Variants in ETNK2 observed in about 807,000 individuals in gnomAD.
ETNK2 encodes the protein ethanolamine kinase-like protein.
Under a neutral mutation model 46.2 loss-of-function variants are expected in ETNK2, and 33 were observed. The ratio of observed to expected loss-of-function variants is 0.71; its 90% confidence interval spans 0.54 to 0.96. The LOEUF (loss-of-function observed/expected upper bound fraction) is 0.96. ETNK2 is among the 40% of genes least tolerant of loss of function. The pLI, the probability that ETNK2 is intolerant of heterozygous loss-of-function variation, is 0.00. For missense variants in ETNK2, 445 were observed against 509.7 expected (o/e 0.87, Z 1.22); for synonymous variants, 194 against 209.0 (o/e 0.93, Z 0.62).
chr1:204,139,927 C>A, intron 5 of ETNK2, 108 bp downstream of exon 5: 1 of 859,420 alleles, frequency 1.2e-6, no homozygotes, highest in Non-Finnish European at 2.0e-6. Flanking sequence ...AATATGGTAC[C>A]TATTACCGTA....
chr1:204,143,481 G>C (rs11240683), intron 3 of ETNK2, among the ~76,000 whole-genome samples: 2 of 151,230 alleles, frequency 1.3e-5, no homozygotes, highest in Non-Finnish European at 2.9e-5. Context: ...TTGAAACATC[G>C]CCAGCTTTGC....
chr1:204,140,260 C>G (rs1375705865), intron 4 of ETNK2, 142 bp from the exon 5 acceptor site: 2 of 643,828 alleles, frequency 3.1e-6, no homozygotes, highest in African/African-American at 3.6e-5. Context: ...ATCACTGCAG[C>G]AGTCTTCCAA....
chr1:204,148,592 AC>A (rs1657883482), intron 2 of ETNK2, among the ~76,000 whole-genome samples: 1 of 151,700 alleles, frequency 6.6e-6, no homozygotes, highest in Middle Eastern at 3.2e-3. Flanking sequence ...ACACACACAC[AC>A]ACACACACAC....
At chr1:204,150,065 G>T in intron 1 of ETNK2, 103 bp from the exon 2 acceptor site, 2 of 1,317,286 alleles carry the variant, frequency 1.5e-6, no homozygotes, top group Non-Finnish European at 1.0e-6. Context: ...TCATTTGAAT[G>T]CCGAGCACAA....
Position 204,151,272 on chromosome 1 carries a change from G to A in ETNK2, c.258+323C>T, listed in dbSNP as rs3795577. On this transcript the variant is annotated intron_variant, in intron 1 of 7. Transcript: ENST00000367202. The surrounding 1 kb of genome is among the most constrained non-coding windows in gnomAD (Gnocchi z 8.0). ...TCAGGTTTCAGAGCTGGCTGGGTACGCGCTTCTGGTCAGCGAGGGGCACCA... is the reference window on the plus strand; with the variant it reads ...TCAGGTTTCAGAGCTGGCTGGGTACACGCTTCTGGTCAGCGAGGGGCACCA... The A allele has an allele frequency of 0.3, 142,950 of 472,268 alleles. 22,343 individuals are homozygous for A. Among genetic ancestry groups the A allele is most frequent in the African/African-American group, 0.41 (19,762 of 47,678 alleles). 29.3% of individuals were successfully genotyped at this position (472,268 alleles called of 1,614,324 possible). A position where few individuals can be genotyped will look rare whatever the true frequency, so the allele number is the denominator to read the frequency against.
In ETNK2 at chr1:204,151,971, T is replaced by C. The variant is rs550740913; in HGVS notation, c.-119A>G. 9.4e-7 allele frequency: 1 copy of C among 1,064,770 alleles called. No individual in the cohort carries two copies. Among genetic ancestry groups the C allele is most frequent in the East Asian group, 3.3e-5 (1 of 30,704 alleles). 66.0% of individuals were successfully genotyped at this position (1,064,770 alleles called of 1,614,324 possible). A position where few individuals can be genotyped will look rare whatever the true frequency, so the allele number is the denominator to read the frequency against. ...GGAAGTCCATGACTCAGGCGCGAGCTGCCCGCTTCGATCGCCGGCTCGCGG... is the reference window on the plus strand; with the variant it reads ...GGAAGTCCATGACTCAGGCGCGAGCCGCCCGCTTCGATCGCCGGCTCGCGG... On this transcript the variant is annotated 5_prime_UTR_variant, in exon 1 of 8. Coordinates refer to ENST00000367202, the MANE Select transcript of ETNK2 (RefSeq NM_018208.4). The surrounding 1 kb of genome is among the most constrained non-coding windows in gnomAD (Gnocchi z 8.0).
Position 204,140,063 on chromosome 1 carries a change from G to A in ETNK2, c.840C>T (p.Asp280=). 1 of 1,613,956 alleles carries A rather than the reference G, an allele frequency of 6.2e-7. No homozygotes were observed. The change falls in exon 5 of 8, where the codon GAC becomes GAT. Residue 280 remains aspartate, a synonymous_variant. Transcript: ENST00000367202. The part of the protein sequence containing the change: ...EYAGYNYQAF[D]IGNHFNEFAG... ...CAAACTCATTGAAATGGTTGCCAAT[G>A]TCAAAAGCTTGGTAGTTGTAGCCAG...
intron 7 of ETNK2, 85 bp downstream of exon 7, chr1:204,134,430 C>T: frequency 6.8e-7 from 1 of 1,471,056 alleles, no homozygotes; most frequent in Non-Finnish European, 9.2e-7. Context: ...TCTGGGCATT[C>T]TGCCTGGGCT....
In ETNK2 at chr1:204,149,859, A is replaced by G; in HGVS notation, c.362T>C (p.Leu121Pro). 6.3e-7 allele frequency: 1 copy of G among 1,599,184 alleles called. No homozygotes were observed. Among genetic ancestry groups the G allele is most frequent in the Non-Finnish European group, 8.5e-7 (1 of 1,173,068 alleles). The change falls in exon 2 of 8, where the codon CTG becomes CCG. Residue 121 changes from leucine to proline, a missense_variant. Transcript: ENST00000367202. ...TCTGACCTCATTCTCCCGGTCCACC[A>G]GCAGCTCCGTCCGCTCCCCATACAC... is the stretch of plus-strand genomic sequence containing the variant. ...VRVYGERTEL[L>P]VDRENEVRNF...
At chr1:204,143,677 T>C (rs1657654229) in intron 3 of ETNK2, among the ~76,000 whole-genome samples, 1 of 152,098 alleles carries the variant, frequency 6.6e-6, no homozygotes, top group Non-Finnish European at 1.5e-5. Flanking sequence ...TTCCTCCTGA[T>C]ATTGGGACTG....
intron 5 of ETNK2, among the ~76,000 whole-genome samples, chr1:204,139,833 A>G (rs11799485): frequency 0.22 from 34,164 of 152,162 alleles, 4,094 homozygotes; most frequent in East Asian, 0.4. Context: ...GCATGTTACT[A>G]TACTGAATAC....
chr1:204,137,248 G>A lies in ETNK2; in HGVS notation c.870C>T (p.Gly290=), dbSNP rs752325302. The stretch of plus-strand genomic sequence containing the variant: ...ACAGGCAGTAATCCACCTCATTCAC[G>A]CCTGAGGGGGAGGCAGGCCAGACAA... ...DIGNHFNEFA[G]VNEVDYCLYP... is the part of the protein sequence containing the mutation. Residue 290 remains glycine (G), a splice_region_variant and synonymous_variant, in exon 6 of 8, where the codon GGC becomes GGT. Transcript: ENST00000367202. 1.2e-5 allele frequency: 19 copies of A among 1,613,440 alleles called. No individual in the cohort carries two copies. Among genetic ancestry groups the A allele is most frequent in the African/African-American group, 6.7e-5 (5 of 75,046 alleles).
Position 204,137,204 on chromosome 1 carries a change from T to G in ETNK2, c.914A>C (p.Gln305Pro), listed in dbSNP as rs750856269. 6.2e-7 allele frequency: 1 copy of G among 1,613,970 alleles called. No homozygotes were observed. ...DYCLYPARETQLQWLHYYLQA... is the reference protein window; with the variant it reads ...DYCLYPARETPLQWLHYYLQA... ...CAGGTAGTAGTGCAGCCACTGCAGC[T>G]GGGTCTCCCGCGCCGGGTACAGGCA... Residue 305 changes from glutamine (Q) to proline (P), a missense_variant, in exon 6 of 8, where the codon CAG becomes CCG. By Grantham distance (76) the Gln-to-Pro change is moderately conservative. Coordinates refer to ENST00000367202, the MANE Select transcript of ETNK2 (RefSeq NM_018208.4).
Position 204,151,266 on chromosome 1 carries a change from G to T in ETNK2, c.258+329C>A. 1 of 465,312 alleles carries T rather than the reference G, an allele frequency of 2.1e-6. No homozygotes were observed. The highest frequency in any genetic ancestry group is 3.8e-6 in the Non-Finnish European group (1 of 262,542). 28.8% of individuals were successfully genotyped at this position (465,312 alleles called of 1,614,324 possible). On this transcript the variant is annotated intron_variant, in intron 1 of 7. Transcript: ENST00000367202. The surrounding 1 kb of genome is among the most constrained non-coding windows in gnomAD (Gnocchi z 8.0). Reference sequence around the variant, plus strand: ...GCCTCCTCAGGTTTCAGAGCTGGCTGGGTACGCGCTTCTGGTCAGCGAGGG... The same window carrying T: ...GCCTCCTCAGGTTTCAGAGCTGGCTTGGTACGCGCTTCTGGTCAGCGAGGG...
At chr1:204,148,477 A>G (rs1657877596) in intron 2 of ETNK2, among the ~76,000 whole-genome samples, 1 of 151,256 alleles carries the variant, frequency 6.6e-6, no homozygotes, top group Admixed American at 6.6e-5. Flanking sequence ...CCCTGCTCTG[A>G]CTTCACATCT....
At chr1:204,136,403 G>GTATATATATATATATATATATATA (rs35373627) in intron 6 of ETNK2, among the ~76,000 whole-genome samples, 71 of 139,782 alleles carry the variant, frequency 5.1e-4, no homozygotes, top group African/African-American at 1.7e-3. Flanking sequence ...CTCAAAAAAA[G>GTATATATATATATATATATATATA]TATATATATA....
chr1:204,150,336 G>T (rs938167485), intron 1 of ETNK2, among the ~76,000 whole-genome samples: 2 of 152,182 alleles, frequency 1.3e-5, no homozygotes, highest in African/African-American at 4.8e-5. Context: ...TGTGGCAGGG[G>T]AGGGCTGGGA....
Position 204,137,104 on chromosome 1 carries a change from C to T in ETNK2, c.1014G>A (p.Leu338=). The change falls in exon 6 of 8, where the codon CTG becomes CTA. Residue 338 remains leucine (L), a splice_region_variant and synonymous_variant. Coordinates refer to ENST00000367202, the MANE Select transcript of ETNK2 (RefSeq NM_018208.4). Reference sequence around the variant, plus strand: ...CCAGCCCTAGAAATAAGGCACTCACCAGGGCAAACTTGTTGACTTGCACGT... The same window carrying T: ...CCAGCCCTAGAAATAAGGCACTCACTAGGGCAAACTTGTTGACTTGCACGT... ...RLYVQVNKFA[L]ASHFFWALWA... 6.2e-7 allele frequency: 1 copy of T among 1,613,588 alleles called. No individual in the cohort carries two copies. The highest frequency in any genetic ancestry group is 8.5e-7 in the Non-Finnish European group (1 of 1,179,698).
chr1:204,144,290 G>A (rs944858239), intron 3 of ETNK2, among the ~76,000 whole-genome samples: 1 of 134,588 alleles, frequency 7.4e-6, no homozygotes, highest in Admixed American at 8.6e-5. Flanking sequence ...AGGTTGCGGT[G>A]AGCTGAGATC....
Sources: allele counts gnomAD v4.1 joint callset (sites outside exome capture counted in the v4.1 genomes callset), GRCh38; gene constraint gnomAD v4.1.1; non-coding constraint Gnocchi (gnomAD v3.1); transcripts MANE v1.5; gene names NCBI Gene and HGNC (gene_info 2026-07-23, HGNC 2026-07-21).